NLGN1: variants seen among roughly 807,000 people sequenced by gnomAD.
NLGN1 encodes the protein neuroligin 1, also known as neuroligin-1.
Under a neutral mutation model 65.5 loss-of-function variants are expected in NLGN1, and 12 were observed. That is an observed-to-expected ratio of 0.18 (90% CI 0.12 to 0.30). NLGN1 has a LOEUF of 0.30. NLGN1 is among the 10% of genes least tolerant of loss of function. The pLI, the probability that NLGN1 is intolerant of heterozygous loss-of-function variation, is 1.00. For synonymous variants in NLGN1, 350 were observed against 359.5 expected (o/e 0.97, Z 0.30); for missense variants, 750 against 1,007.1 (o/e 0.74, Z 3.46).
At chr3:173,800,407 AC>A in intron 3 of NLGN1, 1 of 576,878 alleles carries the variant, frequency 1.7e-6, no homozygotes, top group Middle Eastern at 3.2e-4. Flanking sequence ...CACTTTTTCC[AC>A]CCCTTTCTAT....
chr3:173,615,870 C>T (rs1752979704), intron 3 of NLGN1, among the ~76,000 whole-genome samples: 1 of 101,802 alleles, frequency 9.8e-6, no homozygotes. Context: ...TAAAAATGAA[C>T]AGCTGATGTT....
intron 2 of NLGN1, among the ~76,000 whole-genome samples, chr3:173,526,908 G>C (rs142231486): frequency 7.5e-4 from 114 of 152,208 alleles, no homozygotes; most frequent in Middle Eastern, 3.4e-3. Flanking sequence ...CATCTATACT[G>C]TTGCAAATGT....
chr3:173,571,512 A>G (rs1333694329), intron 2 of NLGN1, among the ~76,000 whole-genome samples: 1 of 152,198 alleles, frequency 6.6e-6, no homozygotes, highest in African/African-American at 2.4e-5. Flanking sequence ...TGAGATAAAA[A>G]TCTCTGTACT....
intron 4 of NLGN1, among the ~76,000 whole-genome samples, chr3:174,071,996 T>C (rs1461047200): frequency 6.6e-6 from 1 of 152,100 alleles, no homozygotes; most frequent in African/African-American, 2.4e-5. Flanking sequence ...GGGCAGAGAT[T>C]AGAAGGCGCC....
intron 3 of NLGN1, among the ~76,000 whole-genome samples, chr3:173,754,574 T>G (rs1246484338): frequency 6.6e-6 from 1 of 152,148 alleles, no homozygotes. Context: ...CTATTTGTGC[T>G]GTATCCCCTG....
intron 3 of NLGN1, among the ~76,000 whole-genome samples, chr3:173,613,236 A>G (rs773006609): frequency 3.9e-5 from 6 of 152,044 alleles, no homozygotes; most frequent in Admixed American, 6.6e-5. Context: ...CATTATGTCT[A>G]TTTTAAATGT....
At chr3:174,127,852 G>A (rs1289288792) in intron 4 of NLGN1, among the ~76,000 whole-genome samples, 1 of 152,124 alleles carries the variant, frequency 6.6e-6, no homozygotes, top group Non-Finnish European at 1.5e-5. Flanking sequence ...AATGTTTATA[G>A]GGACAAGGCA....
chr3:173,425,283 A>G (rs1715891226), intron 1 of NLGN1, among the ~76,000 whole-genome samples: 1 of 152,160 alleles, frequency 6.6e-6, no homozygotes, highest in East Asian at 1.9e-4. Context: ...CACAGAGCCA[A>G]ACCACATCAG....
chr3:173,829,546 G>C (rs936058221), intron 4 of NLGN1, among the ~76,000 whole-genome samples: 1 of 42,272 alleles, frequency 2.4e-5, no homozygotes, highest in African/African-American at 1.3e-4. Flanking sequence ...CATGTGTGGA[G>C]TGTGTGCGTG....
chr3:173,479,296 TAA>T (rs35594260), intron 2 of NLGN1, among the ~76,000 whole-genome samples: 72,562 of 151,400 alleles, frequency 0.48, 19,824 homozygotes, highest in East Asian at 0.83. Context: ...AGTAAGAAAA[TAA>T]AAGAGTGAGG....
intron 3 of NLGN1, among the ~76,000 whole-genome samples, chr3:173,617,731 C>A (rs777798333): frequency 6.6e-6 from 1 of 152,178 alleles, no homozygotes; most frequent in African/African-American, 2.4e-5. Flanking sequence ...TTACTGCCAG[C>A]CTTATTGCCT....
intron 2 of NLGN1, among the ~76,000 whole-genome samples, chr3:173,562,710 A>T (rs1471286982): frequency 2.0e-5 from 3 of 152,164 alleles, no homozygotes; most frequent in Admixed American, 1.3e-4. Flanking sequence ...CCTCATCTCG[A>T]CATTTAAGAT....
chr3:174,265,904 G>GTGTATATA (rs199641451), intron 4 of NLGN1, among the ~76,000 whole-genome samples: 12 of 145,312 alleles, frequency 8.3e-5, no homozygotes, highest in East Asian at 7.9e-4. Flanking sequence ...ATGTATATAT[G>GTGTATATA]TGTATATATG....
chr3:174,118,385 T>G (rs2152637790), intron 4 of NLGN1, among the ~76,000 whole-genome samples: 1 of 152,196 alleles, frequency 6.6e-6, no homozygotes, highest in East Asian at 1.9e-4. Context: ...TTTGGAACAC[T>G]TAATTTGGAA....
intron 2 of NLGN1, among the ~76,000 whole-genome samples, chr3:173,600,607 A>T (rs2149434901): frequency 9.4e-5 from 1 of 10,664 alleles, no homozygotes. Flanking sequence ...TTTTTAGAAA[A>T]AGATATGTAA....
Position 174,216,100 on chromosome 3 carries a change from A to G in NLGN1, c.647-59215A>G, listed in dbSNP as rs557332639. Among the ~76,000 whole-genome samples the G allele has an allele frequency of 2.6e-5, 4 of 152,258 alleles. No homozygotes were observed. In the South Asian group the frequency reaches 8.3e-4, roughly 32 times the overall value. On this transcript the variant is annotated intron_variant, in intron 4 of 6. Coordinates refer to ENST00000457714, the Ensembl canonical transcript of NLGN1. ...TTACTGGATTTCCAATCCACTTTCA[A>G]TTGCATTACTGTGTTCTTTAATAAT...
chr3:174,288,860 A>G (rs1752424843), downstream of NLGN1, among the ~76,000 whole-genome samples: 3 of 151,644 alleles, frequency 2.0e-5, no homozygotes, highest in South Asian at 6.2e-4. Context: ...TCAGATTGAG[A>G]TGTACTTTCT....
In NLGN1 at chr3:173,705,388, A is replaced by G. The variant is rs572206539; in HGVS notation, c.493+100297A>G. On this transcript the variant is annotated intron_variant, in intron 3 of 6. Coordinates refer to ENST00000457714, the Ensembl canonical transcript of NLGN1. ...TCTGAGTTTCTGTCTTTATTTTGCT[A>G]AATTCCTCCTCTAAATAAGGGAGGG... Among the ~76,000 whole-genome samples, 9 of 152,298 alleles carry G rather than the reference A, an allele frequency of 5.9e-5. No individual in the cohort carries two copies. The South Asian group carries it at 1.4e-3, about 25-fold the overall frequency.
chr3:173,398,001 C>G (rs1716937417), upstream of NLGN1: 1 of 152,264 alleles, frequency 6.6e-6, no homozygotes, highest in African/African-American at 2.4e-5. Flanking sequence ...GTCACTGCAG[C>G]TCTTCACCCT....
Sources: gnomAD v4.1 joint callset for allele counts (sites outside exome capture counted in the v4.1 genomes callset) on GRCh38, gnomAD v4.1.1 for gene constraint, MANE v1.5 for transcripts, NCBI Gene and HGNC (gene_info 2026-07-23, HGNC 2026-07-21) for gene names.